RBFOX1: variants seen among roughly 807,000 people sequenced by gnomAD.
The protein encoded by RBFOX1 is RNA binding fox-1 homolog 1, also known as RNA binding protein fox-1 homolog 1.
A neutral mutation model predicts 57.7 loss-of-function variants in RBFOX1; 8 were observed. That is an observed-to-expected ratio of 0.14 (90% CI 0.08 to 0.25). The LOEUF (loss-of-function observed/expected upper bound fraction) is 0.25. RBFOX1 is among the 10% of genes least tolerant of loss of function. The probability of loss-of-function intolerance (pLI) is 1.00; values close to 1 mark genes in which losing one functional copy is unlikely to be tolerated. For synonymous variants in RBFOX1, 326 were observed against 222.4 expected (o/e 1.47, Z -4.15); for missense variants, 611 against 548.5 (o/e 1.11, Z -1.14).
At chr16:7,405,968 G>A (rs1258990989) in intron 4 of RBFOX1, among the ~76,000 whole-genome samples, 1 of 152,100 alleles carries the variant, frequency 6.6e-6, no homozygotes, top group East Asian at 1.9e-4. Flanking sequence ...AACTGACATC[G>A]AGTAGGTAGA....
chr16:6,535,790 T>G (rs2096726890), intron 2 of RBFOX1, among the ~76,000 whole-genome samples: 1 of 152,220 alleles, frequency 6.6e-6, no homozygotes, highest in South Asian at 2.1e-4. Flanking sequence ...ATTTAATTAG[T>G]CACTGCCTAT....
At chr16:6,600,497 C>T (rs529775409) in intron 2 of RBFOX1, among the ~76,000 whole-genome samples, 3 of 152,300 alleles carry the variant, frequency 2.0e-5, no homozygotes, top group African/African-American at 7.2e-5. Flanking sequence ...TCTCCAAACC[C>T]TTTATTTGCT....
intron 3 of RBFOX1, among the ~76,000 whole-genome samples, chr16:7,033,403 C>T (rs1301403849): frequency 2.0e-5 from 3 of 152,132 alleles, no homozygotes; most frequent in Admixed American, 2.0e-4. Context: ...GCCTGTAATC[C>T]CAGCTACTTG....
intron 3 of RBFOX1, among the ~76,000 whole-genome samples, chr16:6,803,783 A>G (rs1446629009): frequency 6.6e-6 from 1 of 152,036 alleles, no homozygotes; most frequent in Non-Finnish European, 1.5e-5. Context: ...ATTCATAAGG[A>G]ATGTTCGTTA....
At chr16:6,908,297 C>A (rs534746364) in intron 3 of RBFOX1, among the ~76,000 whole-genome samples, 18 of 151,822 alleles carry the variant, frequency 1.2e-4, no homozygotes, top group African/African-American at 3.6e-4. Flanking sequence ...GGCCTGCACC[C>A]CCAGCCTCTG....
intron 3 of RBFOX1, among the ~76,000 whole-genome samples, chr16:6,900,821 C>T (rs1276950829): frequency 6.6e-6 from 1 of 152,190 alleles, no homozygotes; most frequent in Non-Finnish European, 1.5e-5. Flanking sequence ...TTCCACTTAA[C>T]ATGTTATGGT....
intron 3 of RBFOX1, among the ~76,000 whole-genome samples, chr16:6,720,591 C>G (rs1309696968): frequency 1.3e-5 from 2 of 152,076 alleles, no homozygotes; most frequent in African/African-American, 4.8e-5. Context: ...GATGGAGAAA[C>G]AGAAGTGAGA....
chr16:6,565,171 C>A (rs1368660600), intron 2 of RBFOX1, among the ~76,000 whole-genome samples: 1 of 149,086 alleles, frequency 6.7e-6, no homozygotes, highest in Non-Finnish European at 1.5e-5. Flanking sequence ...AGGTAAACTA[C>A]AGTGATAACA....
chr16:6,007,907 G>T (rs948344471), intron 4 of RBFOX1, among the ~76,000 whole-genome samples: 1 of 152,060 alleles, frequency 6.6e-6, no homozygotes, highest in Admixed American at 6.6e-5. Context: ...GTGGAGAGGA[G>T]TATCATTTAA....
At chr16:6,289,231 C>T (rs960899841) in intron 1 of RBFOX1, among the ~76,000 whole-genome samples, 2 of 152,040 alleles carry the variant, frequency 1.3e-5, no homozygotes, top group Non-Finnish European at 2.9e-5. Context: ...GGTATTCGTT[C>T]CTTGACATTT....
At chr16:6,236,175 CTT>C (rs1285489627) in intron 1 of RBFOX1, among the ~76,000 whole-genome samples, 1 of 152,128 alleles carries the variant, frequency 6.6e-6, no homozygotes, top group Non-Finnish European at 1.5e-5. Flanking sequence ...CAACATCTGA[CTT>C]TTACTGAGCT....
chr16:6,486,106 T>G (rs1263481057), intron 2 of RBFOX1, among the ~76,000 whole-genome samples: 3 of 79,656 alleles, frequency 3.8e-5, no homozygotes, highest in African/African-American at 1.2e-4. Context: ...TTTTTTTTTT[T>G]TGGCATTGAT....
chr16:6,476,678 C>G (rs1222674876), intron 2 of RBFOX1, among the ~76,000 whole-genome samples: 2 of 152,082 alleles, frequency 1.3e-5, no homozygotes, highest in Admixed American at 6.6e-5. Flanking sequence ...GTGGTAGTTG[C>G]TGAAGGTTGG....
rs184366192 is a variant in RBFOX1 at position 5,894,880 on chromosome 16, C to T, written c.351+27545C>T. Among the ~76,000 whole-genome samples, 29 of 141,542 alleles carry T rather than the reference C, an allele frequency of 2.0e-4. No homozygotes were observed. The East Asian group carries it at 4.3e-3, about 21-fold the overall frequency. The allele number at this position is 141,542 out of a possible 152,430, so 92.9% of individuals were successfully genotyped here. ...ACTAAAAATACAAAAATATTAGCTA[C>T]GCATGGTGGCAGGTGCCTGTAGTCC... On this transcript the variant is annotated intron_variant, in intron 4 of 19. Coordinates refer to the RBFOX1 transcript ENST00000641259.
chr16:5,271,222 C>A (rs1384051342), intron 1 of RBFOX1, among the ~76,000 whole-genome samples: 1 of 152,048 alleles, frequency 6.6e-6, no homozygotes, highest in African/African-American at 2.4e-5. Context: ...GGCTTGGTGG[C>A]ATGTGCCTGT....
chr16:5,481,477 A>G (rs1235070834), intron 2 of RBFOX1, among the ~76,000 whole-genome samples: 2 of 152,198 alleles, frequency 1.3e-5, no homozygotes, highest in East Asian at 3.8e-4. Context: ...AAGTTCATGG[A>G]CCATTTTTGG....
chr16:6,287,451 C>A (rs2152712553), intron 1 of RBFOX1, among the ~76,000 whole-genome samples: 1 of 152,166 alleles, frequency 6.6e-6, no homozygotes, highest in East Asian at 1.9e-4. Flanking sequence ...GTTTTGAGGA[C>A]ATGTCATGTG....
intron 4 of RBFOX1, among the ~76,000 whole-genome samples, chr16:7,131,172 A>G (rs1422277367): frequency 1.3e-5 from 2 of 151,824 alleles, no homozygotes; most frequent in Non-Finnish European, 2.9e-5. Flanking sequence ...TGGTGAAACC[A>G]CATCTCTACT....
chr16:5,424,911 CTTTCTTT>C (rs2067481169), intron 1 of RBFOX1, among the ~76,000 whole-genome samples: 1 of 102,576 alleles, frequency 9.7e-6, no homozygotes, highest in Non-Finnish European at 2.0e-5. Flanking sequence ...TTCTTTCTTT[CTTTCTTT>C]CTTTCTTTCT....
Sources: allele counts gnomAD v4.1 joint callset (sites outside exome capture counted in the v4.1 genomes callset), GRCh38; gene constraint gnomAD v4.1.1; transcripts MANE v1.5; gene names NCBI Gene and HGNC (gene_info 2026-07-23, HGNC 2026-07-21).